The following HDAC9 variants were observed in gnomAD, a reference collection of about 807,000 sequenced individuals.
The protein encoded by HDAC9 is MEF-2 interacting transcription repressor (MITR) protein.
Under a neutral mutation model 139.4 loss-of-function variants are expected in HDAC9, and 41 were observed. That is an observed-to-expected ratio of 0.29 (90% confidence interval 0.23 to 0.38). The LOEUF is 0.38. HDAC9 is among the 10% of genes least tolerant of loss of function. HDAC9 has a pLI of 1.00. For synonymous variants in HDAC9, 517 were observed against 476.2 expected (o/e 1.09, Z -1.12); for missense variants, 1,147 against 1,297.0 (o/e 0.88, Z 1.78).
chr7:18,233,842 T>C (rs1793638710), intron 2 of HDAC9, among the ~76,000 whole-genome samples: 3 of 152,206 alleles, frequency 2.0e-5, no homozygotes, highest in Admixed American at 2.0e-4. Context: ...AAATTTGTTT[T>C]ATCTTGTCAA....
At chr7:18,172,936 G>C (rs113359706) in intron 2 of HDAC9, among the ~76,000 whole-genome samples, 42 of 152,318 alleles carry the variant, frequency 2.8e-4, no homozygotes, top group African/African-American at 1.0e-3. Context: ...TGTTGATTTG[G>C]GGTGGAGAGT....
intron 24 of HDAC9, among the ~76,000 whole-genome samples, chr7:18,966,189 A>G (rs1365507728): frequency 1.3e-5 from 2 of 152,228 alleles, no homozygotes; most frequent in South Asian, 2.1e-4. Context: ...ACAAAATACA[A>G]TTGATAACCC....
Position 19,001,879 on chromosome 7 carries a change from A to G in HDAC9, c.*5817A>G, listed in dbSNP as rs910704649. 5.1e-4 allele frequency: 78 copies of G among 152,152 alleles called. No homozygotes were observed. The highest frequency in any genetic ancestry group is 1.8e-3 in the African/African-American group (73 of 41,460). 9.4% of individuals were successfully genotyped at this position (152,152 alleles called of 1,614,324 possible). ...AGGTGAGCAGGGCAGGCAGGAAACC[A>G]ATATTTAGTACTTTTGTGATTAAAC... On this transcript the variant is annotated 3_prime_UTR_variant, in exon 26 of 26. Transcript: ENST00000686413.
chr7:18,677,840 C>A (rs1781621003), intron 12 of HDAC9, among the ~76,000 whole-genome samples: 1 of 151,946 alleles, frequency 6.6e-6, no homozygotes, highest in Non-Finnish European at 1.5e-5. Context: ...TAAGCACTAA[C>A]ACTAGCACTT....
At chr7:18,209,349 C>T (rs997256052) in intron 2 of HDAC9, among the ~76,000 whole-genome samples, 1 of 152,200 alleles carries the variant, frequency 6.6e-6, no homozygotes, top group African/African-American at 2.4e-5. Context: ...GAAATGAGCC[C>T]AGATCACATT....
intron 6 of HDAC9, among the ~76,000 whole-genome samples, chr7:18,615,476 T>G (rs532373208): frequency 6.6e-6 from 1 of 152,306 alleles, no homozygotes; most frequent in South Asian, 2.1e-4. Context: ...AATCCTTAAT[T>G]TATATACTTA....
chr7:18,648,430 G>GTGTGTGTA (rs1474194491), intron 10 of HDAC9, 36 bp from the exon 11 acceptor site: 3 of 1,398,124 alleles, frequency 2.1e-6, no homozygotes, highest in Non-Finnish European at 3.0e-6. Context: ...GTGTGTGTGT[G>GTGTGTGTA]TGTATACACA....
intron 22 of HDAC9, among the ~76,000 whole-genome samples, chr7:18,902,985 C>G (rs539372591): frequency 6.6e-6 from 1 of 152,202 alleles, no homozygotes; most frequent in South Asian, 2.1e-4. Context: ...TTGTGCAGAG[C>G]TAGTCAGTCT....
chr7:18,204,425 A>C (rs905625492), intron 2 of HDAC9, among the ~76,000 whole-genome samples: 1 of 151,710 alleles, frequency 6.6e-6, no homozygotes, highest in South Asian at 2.1e-4. Context: ...TTGTAAGTCA[A>C]AGGATGTAGA....
intron 22 of HDAC9, among the ~76,000 whole-genome samples, chr7:18,919,922 A>T (rs188066236): frequency 5.5e-4 from 83 of 152,228 alleles, no homozygotes; most frequent in African/African-American, 1.8e-3. Flanking sequence ...GTTTGAAGTC[A>T]GGTAGCATGA....
intron 25 of HDAC9, among the ~76,000 whole-genome samples, chr7:18,993,179 G>C (rs1316101021): frequency 1.1e-5 from 1 of 90,096 alleles, no homozygotes; most frequent in Non-Finnish European, 2.5e-5. Flanking sequence ...TCTACTGAGA[G>C]CTAGGGCTAT....
At chr7:18,289,615 G>C (rs1797681612), upstream of HDAC9, among the ~76,000 whole-genome samples, 1 of 152,222 alleles carries the variant, frequency 6.6e-6, no homozygotes, top group South Asian at 2.1e-4. Flanking sequence ...GATATGGTGG[G>C]AAAGGCACTT....
chr7:18,144,112 T>C (rs1239000561), intron 1 of HDAC9, among the ~76,000 whole-genome samples: 1 of 152,212 alleles, frequency 6.6e-6, no homozygotes, highest in Non-Finnish European at 1.5e-5. Context: ...AAAGCAGTGT[T>C]ATTGAAAAAT....
intron 12 of HDAC9, among the ~76,000 whole-genome samples, chr7:18,670,735 C>T (rs1488180126): frequency 6.6e-6 from 1 of 151,998 alleles, no homozygotes; most frequent in Non-Finnish European, 1.5e-5. Context: ...TATATCTGCC[C>T]GATATGCTTA....
chr7:18,547,240 C>CT (rs1002971796), intron 2 of HDAC9, among the ~76,000 whole-genome samples: 6 of 151,458 alleles, frequency 4.0e-5, no homozygotes, highest in African/African-American at 9.7e-5. Context: ...CTGACACTTT[C>CT]TTTTTTTTTC....
intron 22 of HDAC9, among the ~76,000 whole-genome samples, chr7:18,885,103 T>A (rs757241695): frequency 2.0e-5 from 3 of 152,242 alleles, no homozygotes; most frequent in Non-Finnish European, 4.4e-5. Flanking sequence ...GATGACTTTC[T>A]GCTCGAAACA....
intron 16 of HDAC9, among the ~76,000 whole-genome samples, chr7:18,788,586 C>T (rs1204940688): frequency 6.6e-6 from 1 of 151,918 alleles, no homozygotes; most frequent in African/African-American, 2.4e-5. Context: ...GAAACCCCAT[C>T]TCTACTAAAA....
chr7:18,756,906 A>G (rs1333017151), intron 14 of HDAC9, among the ~76,000 whole-genome samples: 1 of 151,490 alleles, frequency 6.6e-6, no homozygotes, highest in East Asian at 1.9e-4. Context: ...AAAAACTCTG[A>G]GAAGTACAGG....
At chr7:18,729,644 T>G (rs1190904233) in intron 13 of HDAC9, among the ~76,000 whole-genome samples, 1 of 151,616 alleles carries the variant, frequency 6.6e-6, no homozygotes, top group Non-Finnish European at 1.5e-5. Flanking sequence ...CCCTGATCAT[T>G]CAAACAAAGA....
Sources: gnomAD v4.1 joint callset for allele counts (sites outside exome capture counted in the v4.1 genomes callset) on GRCh38, gnomAD v4.1.1 for gene constraint, MANE v1.5 for transcripts, NCBI Gene and HGNC (gene_info 2026-07-23, HGNC 2026-07-21) for gene names.